The following RIMS2 variants were observed in gnomAD, a reference collection of about 807,000 sequenced individuals.
The protein encoded by RIMS2 is regulating synaptic membrane exocytosis 2, also known as regulating synaptic membrane exocytosis protein 2.
Under a neutral mutation model 174.4 loss-of-function variants are expected in RIMS2, and 59 were observed. That is an observed-to-expected ratio of 0.34 (90% CI 0.27 to 0.42). The LOEUF is 0.42. Among genes scored for constraint, RIMS2 ranks in the 10% least tolerant of loss-of-function variants. The pLI, the probability that RIMS2 is intolerant of heterozygous loss-of-function variation, is 1.00. For synonymous variants in RIMS2, 606 were observed against 572.5 expected (o/e 1.06, Z -0.84); for missense variants, 1,620 against 1,666.3 (o/e 0.97, Z 0.48).
chr8:104,107,412 G>A (rs1367703214), intron 19 of RIMS2, among the ~76,000 whole-genome samples: 1 of 152,040 alleles, frequency 6.6e-6, no homozygotes, highest in Non-Finnish European at 1.5e-5. Flanking sequence ...TGGTTGATTA[G>A]TTGAGTATAG....
chr8:104,027,787 C>T (rs2096286607), intron 19 of RIMS2, among the ~76,000 whole-genome samples: 1 of 152,114 alleles, frequency 6.6e-6, no homozygotes. Flanking sequence ...AGTGCTTATC[C>T]TTATCTGTCA....
chr8:104,060,586 T>C (rs1414742015), intron 19 of RIMS2, among the ~76,000 whole-genome samples: 4 of 151,208 alleles, frequency 2.6e-5, no homozygotes, highest in Middle Eastern at 3.4e-3. Flanking sequence ...CTGCTCTGAT[T>C]TTAGTTATTT....
At chr8:103,957,255 T>C (rs1378978164) in intron 14 of RIMS2, among the ~76,000 whole-genome samples, 1 of 152,184 alleles carries the variant, frequency 6.6e-6, no homozygotes, top group Non-Finnish European at 1.5e-5. Flanking sequence ...ACTGGTTATA[T>C]ACCCAAAGGA....
chr8:103,561,411 T>C (rs943810628), intron 1 of RIMS2, among the ~76,000 whole-genome samples: 2 of 152,196 alleles, frequency 1.3e-5, no homozygotes, highest in Non-Finnish European at 2.9e-5. Flanking sequence ...TAACACTTGT[T>C]ATATAGCCCA....
rs201996486 is a variant in RIMS2 at position 103,813,389 on chromosome 8, C to CTTCT, written c.698+46875_698+46878dup. Among the ~76,000 whole-genome samples, 1,023 of 147,378 alleles carry CTTCT rather than the reference C, an allele frequency of 6.9e-3. 16 individuals carry two copies. Among genetic ancestry groups the CTTCT allele is most frequent in the African/African-American group, 0.019 (746 of 39,732 alleles). On this transcript the variant is annotated intron_variant, in intron 3 of 23. Transcript: ENST00000504942. The stretch of plus-strand genomic sequence containing the variant: ...TCTTAAATAATTTTAAGAATTTACA[C>CTTCT]TTCTTTCTTTCTTTCTTTCTTTCTT...
intron 3 of RIMS2, among the ~76,000 whole-genome samples, chr8:103,830,799 G>T (rs1019056720): frequency 6.6e-6 from 1 of 152,096 alleles, no homozygotes. Context: ...ATATCTACAC[G>T]TTTGTGATAT....
chr8:103,778,799 C>T (rs567618287), intron 3 of RIMS2, among the ~76,000 whole-genome samples: 3 of 152,132 alleles, frequency 2.0e-5, no homozygotes, highest in South Asian at 2.1e-4. Flanking sequence ...TATGATAGTT[C>T]TATTTTTAGT....
At chr8:104,171,843 G>T (rs1456339708) in intron 19 of RIMS2, among the ~76,000 whole-genome samples, 1 of 151,934 alleles carries the variant, frequency 6.6e-6, no homozygotes, top group Non-Finnish European at 1.5e-5. Flanking sequence ...CCCTCTTAAG[G>T]ATAAGACTTT....
At chr8:103,822,923 G>A (rs954659997) in intron 3 of RIMS2, among the ~76,000 whole-genome samples, 1 of 151,910 alleles carries the variant, frequency 6.6e-6, no homozygotes, top group Non-Finnish European at 1.5e-5. Context: ...GTCTTTGGAA[G>A]CAAACATAAA....
At chr8:103,744,293 C>T (rs1478562715) in intron 2 of RIMS2, among the ~76,000 whole-genome samples, 2 of 151,926 alleles carry the variant, frequency 1.3e-5, no homozygotes, top group African/African-American at 4.8e-5. Flanking sequence ...ATCCACCCAC[C>T]TCAGCCTCCC....
intron 2 of RIMS2, among the ~76,000 whole-genome samples, chr8:103,722,161 G>A (rs2097457488): frequency 6.6e-6 from 1 of 151,976 alleles, no homozygotes; most frequent in Non-Finnish European, 1.5e-5. Flanking sequence ...CTTGAGGCCA[G>A]GAGCTTGAGA....
intron 19 of RIMS2, among the ~76,000 whole-genome samples, chr8:104,240,504 A>G: frequency 6.6e-6 from 1 of 152,244 alleles, no homozygotes; most frequent in Admixed American, 6.5e-5. Flanking sequence ...ATAATGGAAC[A>G]TTGAAAAAGA....
intron 20 of RIMS2, among the ~76,000 whole-genome samples, chr8:104,246,632 A>G (rs1588195829): frequency 6.6e-6 from 1 of 152,336 alleles, no homozygotes; most frequent in South Asian, 2.1e-4. Flanking sequence ...GATGATCAAG[A>G]CGGTGGAGGT....
At chr8:103,665,017 A>C (rs1386273076) in intron 1 of RIMS2, among the ~76,000 whole-genome samples, 1 of 152,226 alleles carries the variant, frequency 6.6e-6, no homozygotes, top group Non-Finnish European at 1.5e-5. Flanking sequence ...TAAGCAAACT[A>C]TCACAGGGAC....
At chr8:104,092,552 T>C (rs2097680306) in intron 19 of RIMS2, among the ~76,000 whole-genome samples, 1 of 151,862 alleles carries the variant, frequency 6.6e-6, no homozygotes, top group African/African-American at 2.4e-5. Context: ...TTATGCCAGA[T>C]ACCACATACG....
rs1251418687 is a variant in RIMS2 at position 103,532,828 on chromosome 8, A to T, written c.176+31766A>T. On this transcript the variant is annotated intron_variant, in intron 1 of 23. Coordinates refer to ENST00000504942, the Ensembl canonical transcript of RIMS2. ...TAACTTTTTAATTACTAGTGAGTAC[A>T]TATCATGTCAAATAATAAAAGAAGA... 2.0e-5 allele frequency among the ~76,000 whole-genome samples: 3 copies of T among 152,248 alleles called. No homozygotes were observed. The South Asian group carries it at 6.2e-4, about 32-fold the overall frequency.
chr8:104,097,779 A>G (rs1689973263), intron 19 of RIMS2, among the ~76,000 whole-genome samples: 1 of 152,170 alleles, frequency 6.6e-6, no homozygotes, highest in Non-Finnish European at 1.5e-5. Flanking sequence ...TTGACATTTT[A>G]TATCTTTTAT....
chr8:103,813,191 T>G (rs929764309), intron 3 of RIMS2, among the ~76,000 whole-genome samples: 5 of 152,228 alleles, frequency 3.3e-5, no homozygotes, highest in Admixed American at 1.3e-4. Context: ...AAACCTAGCC[T>G]GTAAAATCTA....
intron 1 of RIMS2, among the ~76,000 whole-genome samples, chr8:103,561,221 G>T (rs1429529695): frequency 6.7e-6 from 1 of 148,728 alleles, no homozygotes; most frequent in Admixed American, 6.8e-5. Context: ...CTTAGTATGG[G>T]CTTAACAAAG....
Sources: allele counts gnomAD v4.1 joint callset (sites outside exome capture counted in the v4.1 genomes callset), GRCh38; gene constraint gnomAD v4.1.1; transcripts MANE v1.5; gene names NCBI Gene and HGNC (gene_info 2026-07-23, HGNC 2026-07-21).